Variants in IL32 observed in about 807,000 individuals in gnomAD.
The protein encoded by IL32 is interleukin-32.
In IL32, 30 loss-of-function variants were observed where a neutral mutation model predicts 16.6. The ratio of observed to expected loss-of-function variants is 1.81; its 90% CI spans 1.35 to 2.45. The LOEUF (loss-of-function observed/expected upper bound fraction) is 2.45. Among genes scored for constraint, IL32 ranks in the 30% most tolerant of loss-of-function variants. The probability of loss-of-function intolerance (pLI) is 0.00; values close to 1 mark genes in which losing one functional copy is unlikely to be tolerated. For missense variants in IL32, 234 were observed against 229.8 expected, an observed-to-expected ratio of 1.02 and a Z score of -0.12; for synonymous variants, 70 against 86.1, an observed-to-expected ratio of 0.81 and a Z score of 1.03.
intron 5 of IL32, 33 bp downstream of exon 5, chr16:3,068,043 G>C (rs759655759): frequency 2.5e-6 from 4 of 1,613,782 alleles, no homozygotes; most frequent in Non-Finnish European, 3.4e-6. Flanking sequence ...ACCAAGCTTA[G>C]TCCCTGGGTC....
rs1317427759 is a variant in IL32, at chr16:3,067,271, C to CTCTCTGTG, written c.16-105_16-104insCTCTGTGT. The CTCTCTGTG allele has an allele frequency of 3.0e-5, 18 of 603,558 alleles. No homozygotes were observed. The African/African-American group carries it at 3.3e-4, about 11-fold the overall frequency. 37.4% of individuals were successfully genotyped at this position (603,558 alleles called of 1,614,324 possible). ...TATCCTGTACCTCTGCCATGTGTCT[C>CTCTCTGTG]TGTGTGTGTGTGTGTGTGTGTGTGT... is the stretch of plus-strand genomic sequence containing the variant. On this transcript the variant is annotated intron_variant, in intron 2 of 6. Coordinates refer to ENST00000525643, the MANE Select transcript of IL32 (RefSeq NM_001376923.1).
intron 2 of IL32, among the ~76,000 whole-genome samples, chr16:3,066,688 G>T (rs929507685): frequency 6.6e-6 from 1 of 152,212 alleles, no homozygotes; most frequent in Non-Finnish European, 1.5e-5. Flanking sequence ...GCAGGTTGTA[G>T]GGTGGACCTA....
rs764648582 is a variant in IL32, at chr16:3,068,012, T to C, written c.141+2T>C. On this transcript the variant is annotated splice_donor_variant, in intron 5 of 6. Coordinates refer to ENST00000525643, the MANE Select transcript of IL32 (RefSeq NM_001376923.1). LOFTEE classifies it high-confidence loss of function. ...ATGTCGAGCCTGGCAGAGCTGGAGG[T>C]GAGCCGTGGCCTCCCCCTCCACCAA... The C allele has an allele frequency of 4.3e-6, 7 of 1,613,734 alleles. No homozygotes were observed. In the East Asian group the frequency reaches 6.7e-5, roughly 15 times the overall value.
chr16:3,067,692 G>A (rs779059587), intron 4 of IL32, 79 bp downstream of exon 4: 5 of 1,136,804 alleles, frequency 4.4e-6, no homozygotes, highest in African/African-American at 1.5e-5. Flanking sequence ...CTCAGGGTGA[G>A]AAGGATGAAG....
rs1350611982 is a variant in IL32 at position 3,068,923 on chromosome 16, G to C, written c.202-67G>C. On this transcript the variant is annotated intron_variant, in intron 6 of 6. Transcript: ENST00000525643. Reference sequence around the variant, plus strand: ...GGGTCAGGAAAAGGCTGAGAGGCCTGGGTGTGGCCAGGGCCTGGGGCTGAC... The same window carrying C: ...GGGTCAGGAAAAGGCTGAGAGGCCTCGGTGTGGCCAGGGCCTGGGGCTGAC... The C allele has an allele frequency of 1.9e-6, 3 of 1,602,334 alleles. No individual in the cohort carries two copies. In the East Asian group the frequency reaches 6.7e-5, roughly 36 times the overall value.
At chr16:3,066,670 G>A (rs1345719148) in intron 2 of IL32, among the ~76,000 whole-genome samples, 1 of 152,208 alleles carries the variant, frequency 6.6e-6, no homozygotes, top group Non-Finnish European at 1.5e-5. Flanking sequence ...TGGCAGTCGG[G>A]AAGAGTGGCA....
chr16:3,066,189 G>A (rs1956286560), intron 2 of IL32, among the ~76,000 whole-genome samples: 1 of 152,182 alleles, frequency 6.6e-6, no homozygotes, highest in Admixed American at 6.5e-5. Context: ...GGGTCCTGGT[G>A]TCTCTTCCTC....
intron 4 of IL32, 60 bp downstream of exon 4, chr16:3,067,673 TGTGTG>T: frequency 7.9e-7 from 1 of 1,264,588 alleles, no homozygotes; most frequent in Non-Finnish European, 1.1e-6. Context: ...CACTCCACCC[TGTGTG>T]GGGCTCAGGG....
Position 3,066,114 on chromosome 16 carries a change from C to A in IL32, c.15+288C>A, listed in dbSNP as rs531934291. On this transcript the variant is annotated intron_variant, in intron 2 of 6. Transcript: ENST00000525643. ...GGGTGGGGCAGGGCTCTGCTGGAAA[C>A]GACTCGGAGAATGCTTCTCTCAGAG... Among the ~76,000 whole-genome samples, 5 of 152,172 alleles carry A rather than the reference C, an allele frequency of 3.3e-5. 1 individual carries two copies. The highest frequency in any genetic ancestry group is 7.3e-5 in the Non-Finnish European group (5 of 68,038).
Position 3,068,234 on chromosome 16 carries a change from C to A in IL32, c.196C>A (p.His66Asn), listed in dbSNP as rs758597913. The change falls in exon 6 of 7, where the codon CAC (histidine) becomes AAC (asparagine). Residue 66 changes from histidine (H) to asparagine (N), a missense_variant. Physicochemically the swap from His to Asn is moderately conservative, Grantham distance 68. Coordinates refer to ENST00000525643, the MANE Select transcript of IL32 (RefSeq NM_001376923.1). ...ETVAAYYEEQ[H>N]PELTPLLEKE... ...AGTGGCGGCTTATTATGAGGAGCAG[C>A]ACCCAGTGAGTATGACACACCCATC... 5 of 1,594,834 alleles carry A rather than the reference C, an allele frequency of 3.1e-6. No homozygotes were observed. In the South Asian group the frequency reaches 5.7e-5, roughly 18 times the overall value.
intron 3 of IL32, 45 bp downstream of exon 3, chr16:3,067,460 C>A: frequency 6.2e-7 from 1 of 1,612,798 alleles, no homozygotes. Flanking sequence ...GGGCCTGGGT[C>A]TCAGCGTGTG....
At chr16:3,066,784 C>G (rs965686190) in intron 2 of IL32, among the ~76,000 whole-genome samples, 1 of 152,312 alleles carries the variant, frequency 6.6e-6, no homozygotes, top group African/African-American at 2.4e-5. Flanking sequence ...ACATTTTTTC[C>G]TTGGCCAACT....
At chr16:3,066,078 GC>G (rs1956274256) in intron 2 of IL32, among the ~76,000 whole-genome samples, 1 of 152,186 alleles carries the variant, frequency 6.6e-6, no homozygotes, top group Non-Finnish European at 1.5e-5. Context: ...AGCCCGGAAA[GC>G]CCGGGGCAGG....
At chr16:3,068,116 G>C in intron 5 of IL32, 64 bp from the exon 6 acceptor site, 1 of 1,603,026 alleles carries the variant, frequency 6.2e-7, no homozygotes, top group Admixed American at 1.7e-5. Flanking sequence ...TGGACCAGTG[G>C]GGGCCACAGT....
upstream of IL32, chr16:3,065,587 C>G: frequency 1.6e-6 from 1 of 638,238 alleles, no homozygotes; most frequent in Non-Finnish European, 2.8e-6. Context: ...AGAGAGGCTC[C>G]GCCCACTACC....
rs549490443 is a variant in IL32 at position 3,067,890 on chromosome 16, G to A, written c.115-94G>A. 13 of 1,427,032 alleles carry A rather than the reference G, an allele frequency of 9.1e-6. No homozygotes were observed. In the Admixed American group the frequency reaches 1.4e-4, roughly 15 times the overall value. The allele number at this position is 1,427,032 out of a possible 1,614,324, so 88.4% of individuals were successfully genotyped here. A position where few individuals can be genotyped will look rare whatever the true frequency, so the allele number is the denominator to read the frequency against. The stretch of plus-strand genomic sequence containing the variant: ...CCCCTGGCTGGGCCCAGTTCGGGGT[G>A]TGTGGGAGCTGAGGACTCACTGGGC... On this transcript the variant is annotated intron_variant, in intron 4 of 6. Transcript: ENST00000525643.
chr16:3,065,869 A>G (rs1234091776), intron 2 of IL32, 43 bp downstream of exon 2: 6 of 1,613,026 alleles, frequency 3.7e-6, no homozygotes, highest in South Asian at 3.3e-5. Flanking sequence ...ATGTCTGAAA[A>G]CAGACCGTAA....
In IL32 at chr16:3,069,512, A is replaced by G; in HGVS notation, c.*157A>G. 1.1e-6 allele frequency: 1 copy of G among 924,156 alleles called. No homozygotes were observed. Among genetic ancestry groups the G allele is most frequent in the East Asian group, 2.6e-5 (1 of 38,982 alleles). The allele number at this position is 924,156 out of a possible 1,614,324, so 57.2% of individuals were successfully genotyped here. ...GGTGCTGTCGCCCTGGCATCTTAAT[A>G]AAACCTGCTTATACTTCCCTGGCAG... On this transcript the variant is annotated 3_prime_UTR_variant, in exon 7 of 7. Transcript: ENST00000525643.
rs377133786 is a variant in IL32, at chr16:3,065,797, G to T, written c.-15G>T. 8.7e-6 allele frequency: 14 copies of T among 1,614,152 alleles called. 1 individual carries two copies. The African/African-American group carries it at 1.9e-4, about 22-fold the overall frequency. On this transcript the variant is annotated 5_prime_UTR_variant, in exon 2 of 7. Coordinates refer to ENST00000525643, the MANE Select transcript of IL32 (RefSeq NM_001376923.1). ...CCTCGCCAGCAGGCCTTGGCTCCTT[G>T]AACTTTTGGCCGCCATGTGCTTCCC...
Sources: allele counts gnomAD v4.1 joint callset (sites outside exome capture counted in the v4.1 genomes callset), GRCh38; gene constraint gnomAD v4.1.1; transcripts MANE v1.5; gene names NCBI Gene and HGNC (gene_info 2026-07-23, HGNC 2026-07-21).